The following CEP135 variants were observed in gnomAD, a reference collection of about 807,000 sequenced individuals.
CEP135 encodes the protein centrosomal protein of 135 kDa.
Under a neutral mutation model 157.3 loss-of-function variants are expected in CEP135, and 142 were observed. The observed-to-expected ratio is 0.90, with a 90% confidence interval of 0.79 to 1.04. The LOEUF (loss-of-function observed/expected upper bound fraction) is 1.04, where lower values mean the gene tolerates loss of function less well. CEP135 is among the 50% of genes least tolerant of loss of function. The pLI is 0.00. For missense variants in CEP135, 1,317 were observed against 1,309.2 expected (o/e 1.01, Z -0.09); for synonymous variants, 396 against 439.8 (o/e 0.90, Z 1.25).
At chr4:55,965,437 G>GA (rs1728811084) in intron 7 of CEP135, 1 of 429,318 alleles carries the variant, frequency 2.3e-6, no homozygotes, top group Non-Finnish European at 4.2e-6. Flanking sequence ...TTCTATGCTT[G>GA]AAAATCAAAG....
intron 15 of CEP135, 95 bp downstream of exon 15, chr4:55,992,180 G>C (rs1729822139): frequency 1.1e-5 from 13 of 1,231,566 alleles, no homozygotes; most frequent in Non-Finnish European, 1.5e-5. Flanking sequence ...GGGCCTTTGT[G>C]CAGTAGTTTT....
intron 19 of CEP135, 92 bp from the exon 20 acceptor site, chr4:56,011,320 A>G: frequency 1.2e-6 from 1 of 860,160 alleles, no homozygotes; most frequent in Non-Finnish European, 1.8e-6. Flanking sequence ...ACTCTATCTT[A>G]TTCTCCAATT....
chr4:55,981,740 T>C (rs1481418700), intron 13 of CEP135, among the ~76,000 whole-genome samples: 2 of 152,172 alleles, frequency 1.3e-5, no homozygotes, highest in Non-Finnish European at 2.9e-5. Context: ...TACAGAGATA[T>C]TCACATACCA....
rs1731090755 is a variant in CEP135, at chr4:56,024,617, A to G, written c.*11+3A>G. On this transcript the variant is annotated splice_donor_region_variant and intron_variant, in intron 25 of 25. Transcript: ENST00000257287. ...AGAAATGTGTAATTATCAGAAAGGT[A>G]TGTATGTAACACCAAGGACAGGCAA... The G allele has an allele frequency of 3.2e-6, 5 of 1,572,360 alleles. No individual in the cohort carries two copies. In the African/African-American group the frequency reaches 5.4e-5, roughly 17 times the overall value.
intron 15 of CEP135, among the ~76,000 whole-genome samples, chr4:55,998,794 G>A (rs146379713): frequency 6.6e-6 from 1 of 152,156 alleles, no homozygotes; most frequent in Non-Finnish European, 1.5e-5. Flanking sequence ...GAGCCCAGGA[G>A]GCGGAGGTTG....
intron 9 of CEP135, 44 bp downstream of exon 9, chr4:55,969,172 A>G (rs1340602825): frequency 6.5e-7 from 1 of 1,544,600 alleles, no homozygotes; most frequent in Non-Finnish European, 8.9e-7. Context: ...TCAGTAAGAA[A>G]ATTTTTATGG....
chr4:56,010,693 G>A (rs1307212174), intron 19 of CEP135, among the ~76,000 whole-genome samples: 2 of 152,178 alleles, frequency 1.3e-5, no homozygotes, highest in African/African-American at 4.8e-5. Flanking sequence ...AGAATGGCAA[G>A]TACTGAAAGG....
In CEP135 at chr4:55,953,198, C is replaced by G. The variant is rs1464600215; in HGVS notation, c.227C>G (p.Ala76Gly). The change falls in exon 3 of 26, where the codon GCA (alanine) becomes GGA (glycine). Residue 76 changes from alanine (A) to glycine (G), a missense_variant. By Grantham distance (60) the Ala-to-Gly change is moderately conservative. Transcript: ENST00000257287. ...TTGGAACCCTATAAACTTGAAAATGCAAGATTGAGTAGAGAAAATAATGAA... is the reference window on the plus strand; with the variant it reads ...TTGGAACCCTATAAACTTGAAAATGGAAGATTGAGTAGAGAAAATAATGAA... ...FVLEPYKLEN[A>G]RLSRENNELY... 7 of 1,603,386 alleles carry G rather than the reference C, an allele frequency of 4.4e-6. No homozygotes were observed. The highest frequency in any genetic ancestry group is 5.9e-6 in the Non-Finnish European group (7 of 1,176,582).
At position 55,974,814 on chromosome 4, in the gene CEP135, CCTT is replaced by C. The variant is rs1344981186; in HGVS notation, c.1321_1323del (p.Ser441del). The C allele has an allele frequency of 1.9e-6, 3 of 1,613,726 alleles. No homozygotes were observed. Among genetic ancestry groups the C allele is most frequent in the African/African-American group, 1.3e-5 (1 of 74,890 alleles). Reference sequence around the variant, plus strand: ...TGGAATAAAACGTCGAGACAGGTCACCTTCTCGTTTAGATACATTTCTGAAAGG... The same window carrying C: ...TGGAATAAAACGTCGAGACAGGTCACCTCGTTTAGATACATTTCTGAAAGG... On this transcript the variant is annotated inframe_deletion, in exon 11 of 26. Transcript: ENST00000257287.
chr4:56,023,578 A>G (rs906465614), intron 24 of CEP135, among the ~76,000 whole-genome samples: 1 of 148,250 alleles, frequency 6.7e-6, no homozygotes, highest in African/African-American at 2.5e-5. Flanking sequence ...TTCAGTTGGT[A>G]TCCTATTTAT....
rs747722436 is a variant in CEP135, at chr4:55,974,820, C to T, written c.1324C>T (p.Arg442Cys). 15 of 1,613,616 alleles carry T rather than the reference C, an allele frequency of 9.3e-6. No homozygotes were observed. The East Asian group carries it at 1.1e-4, about 12-fold the overall frequency. Residue 442 changes from arginine to cysteine, a missense_variant, in exon 11 of 26, where the codon CGT becomes TGT. By Grantham distance (180) the Arg-to-Cys change is radical. Coordinates refer to ENST00000257287, the MANE Select transcript of CEP135 (RefSeq NM_025009.5). ...AAAACGTCGAGACAGGTCACCTTCT[C>T]GTTTAGATACATTTCTGAAAGGTAT... is the stretch of plus-strand genomic sequence containing the variant. ...GIKRRDRSPS[R>C]LDTFLKGIEE... is the part of the protein sequence containing the mutation.
chr4:56,017,709 G>C lies in CEP135; in HGVS notation c.2864G>C (p.Arg955Pro), dbSNP rs752406335. ...TCATCAATGGCAAAAGCCATGTCTC[G>C]ATTAGAAGAAGAGCTGAGACATCAA... ...QISSMAKAMS[R>P]LEEELRHQED... is the part of the protein sequence containing the mutation. The change falls in exon 22 of 26, where the codon CGA becomes CCA. Residue 955 changes from arginine to proline, a missense_variant. Transcript: ENST00000257287. 1 of 1,613,696 alleles carries C rather than the reference G, an allele frequency of 6.2e-7. No homozygotes were observed. Among genetic ancestry groups the C allele is most frequent in the Non-Finnish European group, 8.5e-7 (1 of 1,179,936 alleles).
chr4:56,002,827 T>C (rs1320325460), intron 17 of CEP135, among the ~76,000 whole-genome samples: 1 of 152,162 alleles, frequency 6.6e-6, no homozygotes, highest in Non-Finnish European at 1.5e-5. Context: ...AGATGTTCAG[T>C]AGAGTTCAGC....
At chr4:56,014,768 C>T (rs1730712830) in intron 21 of CEP135, among the ~76,000 whole-genome samples, 1 of 152,108 alleles carries the variant, frequency 6.6e-6, no homozygotes, top group South Asian at 2.1e-4. Context: ...GTAGCTGACA[C>T]CTGTAATCCT....
chr4:55,979,525 A>T (rs1415255801), intron 11 of CEP135, among the ~76,000 whole-genome samples: 1 of 152,190 alleles, frequency 6.6e-6, no homozygotes, highest in Non-Finnish European at 1.5e-5. Context: ...GGGGGTTGGT[A>T]TGCCTGGCGT....
chr4:55,981,290 G>A lies in CEP135; in HGVS notation c.1690G>A (p.Val564Ile). ...CCAAACCACAGCACCCCATAATATT[G>A]TTAGTCTTATGGAAAAGGAAAAAGA... is the stretch of plus-strand genomic sequence containing the variant. The part of the protein sequence containing the change: ...STQTTAPHNI[V>I]SLMEKEKELA... Residue 564 changes from valine (V) to isoleucine (I), a missense_variant, in exon 13 of 26, where the codon GTT becomes ATT. Coordinates refer to ENST00000257287, the MANE Select transcript of CEP135 (RefSeq NM_025009.5). 1.3e-6 allele frequency: 2 copies of A among 1,597,218 alleles called. No individual in the cohort carries two copies. The highest frequency in any genetic ancestry group is 1.8e-5 in the Admixed American group (1 of 56,724).
chr4:55,993,396 T>C (rs146177997), intron 15 of CEP135, among the ~76,000 whole-genome samples: 1 of 152,346 alleles, frequency 6.6e-6, no homozygotes, highest in Non-Finnish European at 1.5e-5. Flanking sequence ...AAGAACTGGG[T>C]GTGTCTAGTT....
intron 25 of CEP135, among the ~76,000 whole-genome samples, chr4:56,028,606 C>T (rs1421251183): frequency 4.1e-5 from 6 of 147,122 alleles, no homozygotes; most frequent in African/African-American, 1.5e-4. Flanking sequence ...ATGAATTGCT[C>T]AAGGAAAAAA....
chr4:55,955,448 A>C (rs898438278), intron 4 of CEP135, among the ~76,000 whole-genome samples: 1 of 152,176 alleles, frequency 6.6e-6, no homozygotes, highest in Non-Finnish European at 1.5e-5. Context: ...GACAGATTAG[A>C]ACTGTGAAGC....
Sources: gnomAD v4.1 joint callset for allele counts (sites outside exome capture counted in the v4.1 genomes callset) on GRCh38, gnomAD v4.1.1 for gene constraint, MANE v1.5 for transcripts, NCBI Gene and HGNC (gene_info 2026-07-23, HGNC 2026-07-21) for gene names.